Variants in MYOF observed in about 807,000 individuals in gnomAD.
The protein encoded by MYOF is fer-1-like 3, myoferlin.
MYOF carries 244 observed loss-of-function variants against 284.2 expected under a neutral mutation model. The ratio of observed to expected loss-of-function variants is 0.86; its 90% confidence interval spans 0.77 to 0.95. The LOEUF is 0.95. Among genes scored for constraint, MYOF ranks in the 40% least tolerant of loss-of-function variants. MYOF has a pLI of 0.00. For synonymous variants in MYOF, 904 were observed against 919.7 expected, an observed-to-expected ratio of 0.98 and a Z score of 0.31; for missense variants, 2,496 against 2,560.6, an observed-to-expected ratio of 0.97 and a Z score of 0.54.
At position 93,446,774 on chromosome 10, in the gene MYOF, G is replaced by A. The variant is rs985027579; in HGVS notation, c.236+5276C>T. Among the ~76,000 whole-genome samples, 14 of 151,618 alleles carry A rather than the reference G, an allele frequency of 9.2e-5. No homozygotes were observed. In the East Asian group the frequency reaches 1.7e-3, roughly 19 times the overall value. The stretch of plus-strand genomic sequence containing the variant: ...CTCACTCCGTCACCAGGGCTGGAGC[G>A]CAGTGGTGTGATCTCAGTTCACTGC... On this transcript the variant is annotated intron_variant, in intron 3 of 53. Coordinates refer to ENST00000359263, the MANE Select transcript of MYOF (RefSeq NM_013451.4).
intron 23 of MYOF, 62 bp downstream of exon 23, chr10:93,374,701 G>T: frequency 6.6e-7 from 1 of 1,505,252 alleles, no homozygotes; most frequent in Non-Finnish European, 9.0e-7. Context: ...CCTATTCTTG[G>T]TGCCATTTCG....
At chr10:93,338,054 T>G in intron 39 of MYOF, 141 bp from the exon 40 acceptor site, 1 of 667,326 alleles carries the variant, frequency 1.5e-6, no homozygotes, top group Non-Finnish European at 2.6e-6. Context: ...TTTGTTTACA[T>G]GCACAATGGA....
rs754048831 is a variant in MYOF at position 93,343,853 on chromosome 10, T to C, written c.4326+3A>G. On this transcript the variant is annotated splice_donor_region_variant and intron_variant, in intron 38 of 53. Transcript: ENST00000359263. Reference sequence around the variant, plus strand: ...GCATCCACTGATCAGCTCTGAAGCCTACCTTAGAAGCCAGTAATGGTTTGG... The same window carrying C: ...GCATCCACTGATCAGCTCTGAAGCCCACCTTAGAAGCCAGTAATGGTTTGG... 40 of 1,614,038 alleles carry C rather than the reference T, an allele frequency of 2.5e-5. No homozygotes were observed. The highest frequency in any genetic ancestry group is 3.2e-5 in the Non-Finnish European group (38 of 1,179,980).
At chr10:93,450,348 T>A (rs997344240) in intron 3 of MYOF, among the ~76,000 whole-genome samples, 6 of 152,100 alleles carry the variant, frequency 3.9e-5, no homozygotes, top group Admixed American at 2.0e-4. Flanking sequence ...GCTGAGATCG[T>A]GCCACTGCAC....
chr10:93,481,845 G>A (rs182522738), intron 1 of MYOF, among the ~76,000 whole-genome samples: 54 of 152,178 alleles, frequency 3.5e-4, no homozygotes, highest in African/African-American at 1.1e-3. Context: ...TTAGTGATTC[G>A]CAAATACGTT....
intron 3 of MYOF, among the ~76,000 whole-genome samples, chr10:93,433,950 C>CT (rs1848985639): frequency 6.6e-6 from 1 of 152,190 alleles, no homozygotes; most frequent in South Asian, 2.1e-4. Context: ...AGTGCCTTCA[C>CT]TTTCTATGAA....
intron 18 of MYOF, among the ~76,000 whole-genome samples, chr10:93,388,485 C>T (rs1564674155): frequency 6.6e-6 from 1 of 152,162 alleles, no homozygotes; most frequent in Non-Finnish European, 1.5e-5. Flanking sequence ...GCAATAGAAC[C>T]TTCTGGAAAG....
rs77729036 is a variant in MYOF, at chr10:93,471,139, T to C, written c.88+10968A>G. ...GTCAAATATTAGATTTTTAATACTTTACATTACAAGAAGTTATGGTTCTAG... is the reference window on the plus strand; with the variant it reads ...GTCAAATATTAGATTTTTAATACTTCACATTACAAGAAGTTATGGTTCTAG... On this transcript the variant is annotated intron_variant, in intron 1 of 53. Transcript: ENST00000359263. Among the ~76,000 whole-genome samples, 42 of 152,264 alleles carry C rather than the reference T, an allele frequency of 2.8e-4. No individual in the cohort carries two copies. In the East Asian group the frequency reaches 7.9e-3, roughly 29 times the overall value.
intron 7 of MYOF, among the ~76,000 whole-genome samples, chr10:93,407,944 T>C (rs12766399): frequency 0.068 from 10,172 of 148,702 alleles, 447 homozygotes; most frequent in African/African-American, 0.13. Context: ...GGAGACATCA[T>C]GTCCTCTCTC....
At chr10:93,430,649 C>A (rs1848802238) in intron 4 of MYOF, among the ~76,000 whole-genome samples, 1 of 151,922 alleles carries the variant, frequency 6.6e-6, no homozygotes, top group East Asian at 1.9e-4. Context: ...CAATGAACTG[C>A]CTTCTACAGA....
Position 93,323,137 on chromosome 10 carries a change from G to C in MYOF, c.5397C>G (p.Asp1799Glu). ...TGATGCTTTTCTCGTCCAAGATAAC[G>C]TCCTTGGTGTTCCAGATGATCACAC... is the stretch of plus-strand genomic sequence containing the variant. ...YLRVIIWNTK[D>E]VILDEKSITG... is the part of the protein sequence containing the mutation. The change falls in exon 48 of 54, where the codon GAC becomes GAG. Residue 1799 changes from aspartate to glutamate, a missense_variant. By Grantham distance (45) the Asp-to-Glu change is conservative (BLOSUM62 2). Coordinates refer to ENST00000359263, the MANE Select transcript of MYOF (RefSeq NM_013451.4). The C allele has an allele frequency of 6.2e-7, 1 of 1,613,604 alleles. No homozygotes were observed. Among genetic ancestry groups the C allele is most frequent in the Non-Finnish European group, 8.5e-7 (1 of 1,179,488 alleles).
At position 93,333,747 on chromosome 10, in the gene MYOF, C is replaced by A. The variant is rs769582536; in HGVS notation, c.4719+11G>T. On this transcript the variant is annotated intron_variant, in intron 42 of 53. Coordinates refer to ENST00000359263, the MANE Select transcript of MYOF (RefSeq NM_013451.4). ...TTGCTACAGGAGAAGGCCCCACACC[C>A]AAACTCTTACCAGGCCATTGTTGTC... 3 of 1,613,410 alleles carry A rather than the reference C, an allele frequency of 1.9e-6. No homozygotes were observed. In the South Asian group the frequency reaches 3.3e-5, roughly 18 times the overall value.
rs59509598 is a variant in MYOF, at chr10:93,339,013, C to CTTTT, written c.4339-1104_4339-1101dup. On this transcript the variant is annotated intron_variant, in intron 39 of 53. Coordinates refer to ENST00000359263, the MANE Select transcript of MYOF (RefSeq NM_013451.4). Reference sequence around the variant, plus strand: ...GAAGAAGGGACAAGAAAGGCTACCACTTTTTTTTTTTTTTTTTTGAGACGG... The same window carrying CTTTT: ...GAAGAAGGGACAAGAAAGGCTACCACTTTTTTTTTTTTTTTTTTTTTTGAGACGG... Among the ~76,000 whole-genome samples the CTTTT allele has an allele frequency of 1.5e-3, 202 of 131,376 alleles. 4 individuals are homozygous for CTTTT. Among genetic ancestry groups the CTTTT allele is most frequent in the African/African-American group, 4.5e-3 (160 of 35,444 alleles). The allele number at this position is 131,376 out of a possible 152,430, so 86.2% of individuals were successfully genotyped here.
At chr10:93,311,493 C>T (rs972030707) in intron 51 of MYOF, among the ~76,000 whole-genome samples, 19 of 150,368 alleles carry the variant, frequency 1.3e-4, no homozygotes, top group Middle Eastern at 3.3e-3. Flanking sequence ...TGGTGGCGTG[C>T]GCCTGTAGTC....
rs574237443 is a variant in MYOF at position 93,448,352 on chromosome 10, C to G, written c.236+3698G>C. 7.9e-5 allele frequency among the ~76,000 whole-genome samples: 12 copies of G among 152,298 alleles called. No homozygotes were observed. In the South Asian group the frequency reaches 2.1e-3, roughly 26 times the overall value. ...ACATAAAATGGGATCTCCTTTCCCC[C>G]CACCCTTGACAACTTTCCCTTTTCC... On this transcript the variant is annotated intron_variant, in intron 3 of 53. Coordinates refer to ENST00000359263, the MANE Select transcript of MYOF (RefSeq NM_013451.4).
Position 93,335,952 on chromosome 10 carries a change from T to C in MYOF, c.4532A>G (p.Asn1511Ser). Residue 1511 changes from asparagine (N) to serine (S), a missense_variant, in exon 41 of 54, where the codon AAT becomes AGT. Physicochemically the swap from Asn to Ser is conservative, Grantham distance 46 (BLOSUM62 1). Coordinates refer to ENST00000359263, the MANE Select transcript of MYOF (RefSeq NM_013451.4). The part of the protein sequence containing the change: ...FKLYRGKSDE[N>S]EDPSVVGEFK... The stretch of plus-strand genomic sequence containing the variant: ...CTCTCCAACCACAGAAGGATCTTCA[T>C]TTTCATCCGACTTGCCTCGGTACAA... The C allele has an allele frequency of 1.2e-6, 2 of 1,614,192 alleles. No homozygotes were observed. Among genetic ancestry groups the C allele is most frequent in the Non-Finnish European group, 1.7e-6 (2 of 1,180,024 alleles).
intron 4 of MYOF, 127 bp from the exon 5 acceptor site, chr10:93,426,285 AG>A: frequency 3.4e-6 from 3 of 889,926 alleles, no homozygotes; most frequent in Non-Finnish European, 5.1e-6. Flanking sequence ...TAGGTAAGCG[AG>A]GCTGGAAACG....
At chr10:93,319,748 C>T in intron 49 of MYOF, 124 bp downstream of exon 49, 1 of 1,325,932 alleles carries the variant, frequency 7.5e-7, no homozygotes, top group Non-Finnish European at 1.0e-6. Context: ...GATTCCCCAT[C>T]TCTGCTGAGA....
chr10:93,465,524 C>CTT (rs138581408), intron 1 of MYOF, among the ~76,000 whole-genome samples: 24,942 of 99,356 alleles, frequency 0.25, 2,758 homozygotes, highest in Admixed American at 0.35. Context: ...TTTTTTCTTT[C>CTT]TTTTTTTTCT....
Sources: gnomAD v4.1 joint callset for allele counts (sites outside exome capture counted in the v4.1 genomes callset) on GRCh38, gnomAD v4.1.1 for gene constraint, MANE v1.5 for transcripts, NCBI Gene and HGNC (gene_info 2026-07-23, HGNC 2026-07-21) for gene names.